ARHGAP28: variants seen among roughly 807,000 people sequenced by gnomAD.
The protein encoded by ARHGAP28 is rho GTPase-activating protein 28.
Under a neutral mutation model 90.7 loss-of-function variants are expected in ARHGAP28, and 56 were observed. That is an observed-to-expected ratio of 0.62 (90% CI 0.50 to 0.77). The LOEUF (loss-of-function observed/expected upper bound fraction) is 0.77, where lower values mean the gene tolerates loss of function less well. ARHGAP28 is among the 30% of genes least tolerant of loss of function. The pLI is 0.00. For missense variants in ARHGAP28, 869 were observed against 900.9 expected (o/e 0.96, Z 0.45); for synonymous variants, 308 against 323.3 (o/e 0.95, Z 0.51).
In ARHGAP28 at chr18:6,773,738, A is replaced by G. The variant is rs977542666; in HGVS notation, c.122+43795A>G. The stretch of plus-strand genomic sequence containing the variant: ...TTCGGGAATAGGAAAACTTTTTGCA[A>G]TCACAACAGTTATGGTTTTTGCTTT... On this transcript the variant is annotated intron_variant, in intron 1 of 17. Transcript: ENST00000383472. 6.6e-5 allele frequency among the ~76,000 whole-genome samples: 10 copies of G among 152,340 alleles called. No individual in the cohort carries two copies. In the South Asian group the frequency reaches 1.7e-3, roughly 25 times the overall value.
chr18:6,897,746 C>T (rs1377814624), intron 16 of ARHGAP28: 1 of 152,036 alleles, frequency 6.6e-6, no homozygotes, highest in Non-Finnish European at 1.5e-5. Context: ...GATTAGTTGC[C>T]AGAGGTTGGG....
intron 1 of ARHGAP28, among the ~76,000 whole-genome samples, chr18:6,798,782 T>G (rs2056460922): frequency 6.6e-6 from 1 of 152,188 alleles, no homozygotes; most frequent in Non-Finnish European, 1.5e-5. Context: ...CATTATAGAA[T>G]TCAACCATGT....
chr18:6,755,179 A>C (rs745717268), intron 1 of ARHGAP28, among the ~76,000 whole-genome samples: 1 of 152,150 alleles, frequency 6.6e-6, no homozygotes, highest in Non-Finnish European at 1.5e-5. Flanking sequence ...TCTTAAAGCA[A>C]AAAAAGAAAG....
intron 3 of ARHGAP28, among the ~76,000 whole-genome samples, chr18:6,847,775 G>T (rs963786484): frequency 6.6e-5 from 10 of 152,098 alleles, no homozygotes; most frequent in Non-Finnish European, 1.0e-4. Context: ...CCATGCCCAG[G>T]TTCAGTGGTT....
At chr18:6,827,026 TC>T (rs1482980422) in intron 2 of ARHGAP28, among the ~76,000 whole-genome samples, 1 of 152,062 alleles carries the variant, frequency 6.6e-6, no homozygotes, top group Non-Finnish European at 1.5e-5. Context: ...ATCAACAGGA[TC>T]CCAAGGCAGA....
At chr18:6,875,315 G>A (rs1195029920) in intron 9 of ARHGAP28, among the ~76,000 whole-genome samples, 1 of 152,194 alleles carries the variant, frequency 6.6e-6, no homozygotes, top group Non-Finnish European at 1.5e-5. Flanking sequence ...TTTTCTTACA[G>A]ACATGTTTCT....
chr18:6,770,788 G>A (rs1264872036), intron 1 of ARHGAP28, among the ~76,000 whole-genome samples: 2 of 152,108 alleles, frequency 1.3e-5, no homozygotes, highest in African/African-American at 4.8e-5. Context: ...TGTGGGAGGT[G>A]GGGGGTGGGG....
chr18:6,903,017 T>C (rs190889192), intron 16 of ARHGAP28, among the ~76,000 whole-genome samples: 4 of 152,280 alleles, frequency 2.6e-5, no homozygotes, highest in Admixed American at 2.6e-4. Flanking sequence ...TGCTACAACA[T>C]GGATGACTCA....
chr18:6,896,695 G>T (rs759696570), intron 16 of ARHGAP28, 69 bp downstream of exon 16: 404 of 1,568,754 alleles, frequency 2.6e-4, no homozygotes, highest in Admixed American at 1.2e-3. Context: ...AACTTTCTAG[G>T]CATTTACAAA....
intron 3 of ARHGAP28, among the ~76,000 whole-genome samples, chr18:6,849,780 ATT>A (rs576878306): frequency 1.3e-5 from 2 of 152,116 alleles, no homozygotes; most frequent in South Asian, 4.2e-4. Context: ...TTGTAGGTGT[ATT>A]TTTATTGTTG....
Position 6,749,386 on chromosome 18 carries a change from G to A in ARHGAP28, c.122+19443G>A, listed in dbSNP as rs115643188. 5.8e-3 allele frequency among the ~76,000 whole-genome samples: 883 copies of A among 152,158 alleles called. 10 individuals carry two copies. Among genetic ancestry groups the A allele is most frequent in the African/African-American group, 0.02 (848 of 41,504 alleles). ...GGAGAGATATTTTCCTTTACCCAGG[G>A]TTTTATAGTCTGCTTTGATTGCATA... On this transcript the variant is annotated intron_variant, in intron 1 of 17. Transcript: ENST00000383472.
intron 2 of ARHGAP28, among the ~76,000 whole-genome samples, chr18:6,835,515 T>G (rs1567963763): frequency 6.6e-6 from 1 of 152,184 alleles, no homozygotes; most frequent in Non-Finnish European, 1.5e-5. Flanking sequence ...ATCAAAGGCT[T>G]TGTTTATACA....
rs10163992 is a variant in ARHGAP28 at position 6,879,071 on chromosome 18, G to T, written c.1290+2863G>T. On this transcript the variant is annotated intron_variant, in intron 10 of 17. Coordinates refer to ENST00000383472, the MANE Select transcript of ARHGAP28 (RefSeq NM_001366230.1). ...GAGGCTGACAGGGGAGCAGCCCTGG[G>T]AGGAAGCTGCTGGTTTTAGCCAAAC... Among the ~76,000 whole-genome samples the T allele has an allele frequency of 5.6e-3, 859 of 152,254 alleles. 9 individuals carry two copies. The highest frequency in any genetic ancestry group is 0.019 in the African/African-American group (794 of 41,530).
In ARHGAP28 at chr18:6,870,737, G is replaced by A. The variant is rs371159621; in HGVS notation, c.954+5G>A. 9 of 1,590,756 alleles carry A rather than the reference G, an allele frequency of 5.7e-6. No homozygotes were observed. Among genetic ancestry groups the A allele is most frequent in the Non-Finnish European group, 6.8e-6 (8 of 1,173,780 alleles). ...AAAGAAGACTATGTTTTAACTGTAA[G>A]CAAAACCTTTCATGATTATTCCAGG... is the stretch of plus-strand genomic sequence containing the variant. On this transcript the variant is annotated splice_donor_5th_base_variant and intron_variant, in intron 7 of 17. Coordinates refer to ENST00000383472, the MANE Select transcript of ARHGAP28 (RefSeq NM_001366230.1).
At chr18:6,769,761 C>G (rs562679604) in intron 1 of ARHGAP28, among the ~76,000 whole-genome samples, 1 of 152,298 alleles carries the variant, frequency 6.6e-6, no homozygotes, top group South Asian at 2.1e-4. Context: ...ATTTCTATGT[C>G]TATCTTCGTA....
At position 6,876,570 on chromosome 18, in the gene ARHGAP28, G is replaced by C. The variant is rs142469410; in HGVS notation, c.1290+362G>C. Among the ~76,000 whole-genome samples the C allele has an allele frequency of 1.4e-4, 21 of 152,256 alleles. No individual in the cohort carries two copies. In the East Asian group the frequency reaches 3.3e-3, roughly 24 times the overall value. On this transcript the variant is annotated intron_variant, in intron 10 of 17. Coordinates refer to ENST00000383472, the MANE Select transcript of ARHGAP28 (RefSeq NM_001366230.1). ...GTTGAAACGTCTCACTGCTGTTTTG[G>C]AGGTTAAACACCTTAGTTTGTTGTG... is the stretch of plus-strand genomic sequence containing the variant.
chr18:6,841,593 AT>A (rs567118644), intron 3 of ARHGAP28, among the ~76,000 whole-genome samples: 2 of 150,714 alleles, frequency 1.3e-5, no homozygotes, highest in South Asian at 2.1e-4. Flanking sequence ...TCTTCTCTTA[AT>A]TTTTTTTTGC....
rs1315999001 is a variant in ARHGAP28, at chr18:6,913,059, A to T, written c.*905A>T. 1 of 152,232 alleles carries T rather than the reference A, an allele frequency of 6.6e-6. No individual in the cohort carries two copies. Among genetic ancestry groups the T allele is most frequent in the African/African-American group, 2.4e-5 (1 of 41,452 alleles). 9.4% of individuals were successfully genotyped at this position (152,232 alleles called of 1,614,324 possible). A position where few individuals can be genotyped will look rare whatever the true frequency, so the allele number is the denominator to read the frequency against. ...ACAGTCACTTCTGCAGTCCCAATTT[A>T]AAAATGCAGAACTGCTTTATCCAAG... is the stretch of plus-strand genomic sequence containing the variant. On this transcript the variant is annotated 3_prime_UTR_variant, in exon 18 of 18. Transcript: ENST00000383472.
At chr18:6,827,649 C>T (rs868646462) in intron 2 of ARHGAP28, among the ~76,000 whole-genome samples, 2,130 of 151,006 alleles carry the variant, frequency 0.014, 41 homozygotes, top group African/African-American at 0.042. Flanking sequence ...TGACCCCCCC[C>T]CCACCTCCCT....
Sources: allele counts gnomAD v4.1 joint callset (sites outside exome capture counted in the v4.1 genomes callset), GRCh38; gene constraint gnomAD v4.1.1; transcripts MANE v1.5; gene names NCBI Gene and HGNC (gene_info 2026-07-23, HGNC 2026-07-21).